The following KDM2A variants were observed in gnomAD, a reference collection of about 807,000 sequenced individuals.
KDM2A encodes lysine-specific demethylase 2A.
Under a neutral mutation model 137.3 loss-of-function variants are expected in KDM2A, and 3 were observed. The observed-to-expected ratio is 0.02, with a 90% CI of 0.01 to 0.06. The LOEUF is 0.06. Ranked by LOEUF, KDM2A falls within the 10% of genes least tolerant of loss-of-function variation. The pLI is 1.00. For synonymous variants in KDM2A, 512 were observed against 541.5 expected, an observed-to-expected ratio of 0.95 and a Z score of 0.76; for missense variants, 738 against 1,510.6, an observed-to-expected ratio of 0.49 and a Z score of 8.48.
At chr11:67,134,424 G>A (rs1855927779) in intron 2 of KDM2A, among the ~76,000 whole-genome samples, 1 of 152,084 alleles carries the variant, frequency 6.6e-6, no homozygotes, top group African/African-American at 2.4e-5. Context: ...TGATGTAAAG[G>A]GAAATACCCA....
intron 5 of KDM2A, among the ~76,000 whole-genome samples, chr11:67,188,554 G>A (rs1248645125): frequency 6.6e-6 from 1 of 151,174 alleles, no homozygotes; most frequent in Non-Finnish European, 1.5e-5. Flanking sequence ...ACTTTGGGAG[G>A]CCAAGGCGGG....
chr11:67,224,828 ATTTTTTTTTT>A (rs764581976), intron 10 of KDM2A, among the ~76,000 whole-genome samples: 861 of 66,270 alleles, frequency 0.013, 8 homozygotes, highest in Middle Eastern at 0.022. Context: ...CAGCTGCAGC[ATTTTTTTTTT>A]TTTTTTTTTT....
chr11:67,137,710 A>G (rs1400535919), intron 2 of KDM2A, among the ~76,000 whole-genome samples: 1 of 152,182 alleles, frequency 6.6e-6, no homozygotes, highest in Admixed American at 6.5e-5. Flanking sequence ...AAAAGGTTAA[A>G]TGAGAAGTGC....
intron 10 of KDM2A, among the ~76,000 whole-genome samples, chr11:67,225,521 AG>A (rs1172335388): frequency 6.6e-6 from 1 of 152,142 alleles, no homozygotes; most frequent in Non-Finnish European, 1.5e-5. Context: ...CTGTAATCCC[AG>A]CACTTTGGGA....
intron 5 of KDM2A, among the ~76,000 whole-genome samples, chr11:67,201,772 C>CAAAAAAAAA (rs71056184): frequency 5.8e-4 from 22 of 37,814 alleles, no homozygotes; most frequent in South Asian, 1.8e-3. Context: ...GACTCCATCT[C>CAAAAAAAAA]AAAAAAAAAA....
chr11:67,210,828 C>T (rs1426662821), intron 6 of KDM2A, among the ~76,000 whole-genome samples: 6 of 152,120 alleles, frequency 3.9e-5, no homozygotes, highest in Admixed American at 6.6e-5. Context: ...GGAAAAGTAT[C>T]GACCAGGTCA....
chr11:67,244,372 G>A (rs1020893492), intron 13 of KDM2A, among the ~76,000 whole-genome samples: 1 of 152,112 alleles, frequency 6.6e-6, no homozygotes, highest in Non-Finnish European at 1.5e-5. Context: ...TGAATTTGGA[G>A]TACTAAAGAA....
In KDM2A at chr11:67,219,289, C is replaced by G; in HGVS notation, c.843C>G (p.Gly281=). 2.6e-6 allele frequency: 4 copies of G among 1,551,768 alleles called. No homozygotes were observed. The highest frequency in any genetic ancestry group is 3.5e-6 in the Non-Finnish European group (4 of 1,145,034). Residue 281 remains glycine, a splice_region_variant and synonymous_variant, in exon 10 of 21, where the codon GGC becomes GGG. Transcript: ENST00000529006. The part of the protein sequence containing the change: ...KQGYTFVIPS[G]WIHAVYTPTD... Reference sequence around the variant, plus strand: ...TGCCCTCTGTTCCCCTTCTCCTAGGCTGGATTCATGCTGTGTATACTCCTA... The same window carrying G: ...TGCCCTCTGTTCCCCTTCTCCTAGGGTGGATTCATGCTGTGTATACTCCTA...
intron 9 of KDM2A, among the ~76,000 whole-genome samples, chr11:67,218,597 TTTTATTTA>T (rs368358428): frequency 7.4e-4 from 113 of 151,942 alleles, no homozygotes; most frequent in African/African-American, 2.7e-3. Flanking sequence ...GTATATTTTA[TTTTATTTA>T]TTTATTTATT....
chr11:67,206,963 A>G (rs1177418562), intron 5 of KDM2A, among the ~76,000 whole-genome samples: 1 of 152,230 alleles, frequency 6.6e-6, no homozygotes, highest in African/African-American at 2.4e-5. Context: ...TAGGATAATT[A>G]TCTTCATGGG....
intron 12 of KDM2A, chr11:67,240,229 A>G (rs1321423433): frequency 6.5e-7 from 1 of 1,535,422 alleles, no homozygotes; most frequent in African/African-American, 1.4e-5. Flanking sequence ...GAGATTCCAG[A>G]ATATTCAAGT....
At chr11:67,239,972 G>A (rs1858976673) in intron 12 of KDM2A, 23 of 1,069,100 alleles carry the variant, frequency 2.2e-5, no homozygotes, top group Non-Finnish European at 2.5e-5. Flanking sequence ...ACCCCCTCCC[G>A]GCTCTGCAGC....
rs1859360392 is a variant in KDM2A, at chr11:67,250,023, G to T, written c.2056-63G>T. On this transcript the variant is annotated intron_variant, in intron 16 of 20. Transcript: ENST00000529006. The surrounding 1 kb of genome is among the most constrained non-coding windows in gnomAD (Gnocchi z 7.1). ...CCTGAGAGCAAGGGAGGTCCACCCT[G>T]TCGGTTCAGAGGGTTTGGAAGAAAG... 2.9e-6 allele frequency: 4 copies of T among 1,366,458 alleles called. No individual in the cohort carries two copies. In the East Asian group the frequency reaches 6.9e-5, roughly 24 times the overall value. The allele number at this position is 1,366,458 out of a possible 1,614,324, so 84.6% of individuals were successfully genotyped here. A position where few individuals can be genotyped will look rare whatever the true frequency, so the allele number is the denominator to read the frequency against.
At chr11:67,165,432 A>C (rs1297139169) in intron 2 of KDM2A, among the ~76,000 whole-genome samples, 1 of 151,990 alleles carries the variant, frequency 6.6e-6, no homozygotes, top group African/African-American at 2.4e-5. Flanking sequence ...TAGAATACCA[A>C]CTCTTGATCT....
chr11:67,131,417 T>C (rs572673340), intron 2 of KDM2A, among the ~76,000 whole-genome samples: 47 of 150,948 alleles, frequency 3.1e-4, no homozygotes, highest in African/African-American at 9.7e-4. Flanking sequence ...CTTTTCTTTT[T>C]TTTTTTTTTT....
intron 5 of KDM2A, among the ~76,000 whole-genome samples, chr11:67,187,533 A>G (rs570563301): frequency 6.6e-6 from 1 of 150,580 alleles, no homozygotes; most frequent in South Asian, 2.1e-4. Flanking sequence ...GACATTTATT[A>G]ATTTATTTAA....
At chr11:67,168,659 A>G (rs920992607) in intron 2 of KDM2A, among the ~76,000 whole-genome samples, 64 of 145,706 alleles carry the variant, frequency 4.4e-4, no homozygotes, top group African/African-American at 1.6e-3. Context: ...ACACACACAC[A>G]CACACGGTCG....
intron 12 of KDM2A, among the ~76,000 whole-genome samples, chr11:67,241,930 A>G (rs1177128638): frequency 6.6e-6 from 1 of 152,022 alleles, no homozygotes; most frequent in East Asian, 1.9e-4. Flanking sequence ...TTAGCTGGGT[A>G]TGGTGGCAGG....
intron 6 of KDM2A, among the ~76,000 whole-genome samples, chr11:67,214,687 G>A (rs896254586): frequency 6.6e-6 from 1 of 152,128 alleles, no homozygotes; most frequent in South Asian, 2.1e-4. Context: ...GCCCAGGCTG[G>A]TCTTAAACTC....
Sources: gnomAD v4.1 joint callset for allele counts (sites outside exome capture counted in the v4.1 genomes callset) on GRCh38, gnomAD v4.1.1 for gene constraint, Gnocchi (gnomAD v3.1) non-coding constraint, MANE v1.5 for transcripts, NCBI Gene and HGNC (gene_info 2026-07-23, HGNC 2026-07-21) for gene names.